CAMK1D: variants seen among roughly 807,000 people sequenced by gnomAD.
CAMK1D encodes calcium/calmodulin-dependent protein kinase type 1D.
A neutral mutation model predicts 47.7 loss-of-function variants in CAMK1D; 9 were observed. The observed-to-expected ratio is 0.19, with a 90% CI of 0.11 to 0.33. The LOEUF (loss-of-function observed/expected upper bound fraction) is 0.33, where lower values mean the gene tolerates loss of function less well. Ranked by LOEUF, CAMK1D falls within the 10% of genes least tolerant of loss-of-function variation. The pLI, the probability that CAMK1D is intolerant of heterozygous loss-of-function variation, is 1.00. For synonymous variants in CAMK1D, 184 were observed against 184.9 expected (o/e 0.99, Z 0.04); for missense variants, 291 against 488.7 (o/e 0.60, Z 3.81).
chr10:12,479,216 G>T (rs1351553739), intron 1 of CAMK1D, among the ~76,000 whole-genome samples: 4 of 151,494 alleles, frequency 2.6e-5, no homozygotes, highest in African/African-American at 9.7e-5. Context: ...TTTTTTTTGA[G>T]ACGGAGTTTC....
At chr10:12,646,882 C>T (rs1839824622) in intron 2 of CAMK1D, among the ~76,000 whole-genome samples, 1 of 152,060 alleles carries the variant, frequency 6.6e-6, no homozygotes, top group African/African-American at 2.4e-5. Flanking sequence ...CACTCTGTCA[C>T]CCAGGCTGGA....
At chr10:12,768,729 C>T (rs1354538461) in intron 4 of CAMK1D, among the ~76,000 whole-genome samples, 1 of 152,032 alleles carries the variant, frequency 6.6e-6, no homozygotes, top group Non-Finnish European at 1.5e-5. Context: ...AATGCAGGCT[C>T]CTCTTTGTGT....
At chr10:12,411,357 T>C (rs1839649174) in intron 1 of CAMK1D, among the ~76,000 whole-genome samples, 1 of 152,144 alleles carries the variant, frequency 6.6e-6, no homozygotes, top group Admixed American at 6.5e-5. Flanking sequence ...CCCATCTGTG[T>C]GGTCCAGCAG....
rs1588475097 is a variant in CAMK1D at position 12,428,371 on chromosome 10, T to C, written c.92+78461T>C. ...GAGCTTTTAGGCCCTTGAATATAGA[T>C]AGCTTGTTAAAGACTGTCTATTCTT... On this transcript the variant is annotated intron_variant, in intron 1 of 10. Transcript: ENST00000619168. Among the ~76,000 whole-genome samples, 5 of 152,162 alleles carry C rather than the reference T, an allele frequency of 3.3e-5. No homozygotes were observed. The East Asian group carries it at 5.8e-4, about 18-fold the overall frequency.
At chr10:12,492,140 CTT>C (rs1242215472) in intron 1 of CAMK1D, among the ~76,000 whole-genome samples, 13 of 151,910 alleles carry the variant, frequency 8.6e-5, no homozygotes, top group African/African-American at 2.9e-4. Flanking sequence ...CACAGGGTCT[CTT>C]TGAGAGGATG....
Position 12,547,667 on chromosome 10 carries a change from C to CTT in CAMK1D, c.93-5557_93-5556insTT, listed in dbSNP as rs374215202. 2.7e-3 allele frequency among the ~76,000 whole-genome samples: 187 copies of CTT among 68,616 alleles called. No individual in the cohort carries two copies. In the South Asian group the frequency reaches 0.033, roughly 12 times the overall value. 45.0% of individuals were successfully genotyped at this position (68,616 alleles called of 152,430 possible). ...CCCCCCCCAACCCTGCACTCTCTCTCTCTCTTTCTCTCTCTCACACACACA... is the reference window on the plus strand; with the variant it reads ...CCCCCCCCAACCCTGCACTCTCTCTCTTTCTCTTTCTCTCTCTCACACACACA... On this transcript the variant is annotated intron_variant, in intron 1 of 10. Coordinates refer to ENST00000619168, the MANE Select transcript of CAMK1D (RefSeq NM_153498.4).
Position 12,833,941 on chromosome 10 carries a change from T to C in CAMK1D, c.*5054T>C, listed in dbSNP as rs1024607002. 8 of 130,328 alleles carry C rather than the reference T, an allele frequency of 6.1e-5. No homozygotes were observed. Among genetic ancestry groups the C allele is most frequent in the South Asian group, 2.7e-4 (1 of 3,740 alleles). 8.1% of individuals were successfully genotyped at this position (130,328 alleles called of 1,614,324 possible). A position where few individuals can be genotyped will look rare whatever the true frequency, so the allele number is the denominator to read the frequency against. ...TAAAAAAAAAAAAAAAAAAAAAAGA[T>C]GTATATACCTGTATGTGATCCACCA... On this transcript the variant is annotated 3_prime_UTR_variant, in exon 11 of 11. Coordinates refer to ENST00000619168, the MANE Select transcript of CAMK1D (RefSeq NM_153498.4).
At chr10:12,412,554 C>T (rs762579281) in intron 1 of CAMK1D, among the ~76,000 whole-genome samples, 3 of 145,206 alleles carry the variant, frequency 2.1e-5, no homozygotes, top group Non-Finnish European at 3.0e-5. Flanking sequence ...ACCCTGGAGG[C>T]GGAGGTTGCA....
In CAMK1D at chr10:12,412,981, A is replaced by C. The variant is rs551948303; in HGVS notation, c.92+63071A>C. ...CCCTCACCCACTCTGGGTTTTATTC[A>C]TATAGGGAGGTTCTGGGAGCCCCAA... On this transcript the variant is annotated intron_variant, in intron 1 of 10. Transcript: ENST00000619168. Among the ~76,000 whole-genome samples, 67 of 152,148 alleles carry C rather than the reference A, an allele frequency of 4.4e-4. 1 individual carries two copies. The highest frequency in any genetic ancestry group is 8.4e-4 in the Non-Finnish European group (57 of 68,024).
intron 1 of CAMK1D, among the ~76,000 whole-genome samples, chr10:12,384,110 A>T (rs1838422503): frequency 6.6e-6 from 1 of 152,252 alleles, no homozygotes; most frequent in Non-Finnish European, 1.5e-5. Flanking sequence ...TTATAATATC[A>T]TCAATAAGAA....
chr10:12,734,478 ATATACACATATG>A (rs1835081000), intron 3 of CAMK1D, among the ~76,000 whole-genome samples: 1 of 138,092 alleles, frequency 7.2e-6, no homozygotes, highest in Non-Finnish European at 1.5e-5. Flanking sequence ...ATATGTGTAT[ATATACACATATG>A]TATATATATA....
intron 1 of CAMK1D, among the ~76,000 whole-genome samples, chr10:12,361,680 C>T (rs375978753): frequency 6.6e-6 from 1 of 150,858 alleles, no homozygotes; most frequent in Admixed American, 6.6e-5. Context: ...CTCAGCCTCC[C>T]GAGTAGCTGG....
intron 1 of CAMK1D, among the ~76,000 whole-genome samples, chr10:12,536,643 T>A (rs894738177): frequency 8.6e-5 from 13 of 152,024 alleles, no homozygotes; most frequent in African/African-American, 2.9e-4. Flanking sequence ...AAGAGGGGGG[T>A]GTATCCTAAT....
At chr10:12,787,277 T>C (rs1295342931) in intron 5 of CAMK1D, among the ~76,000 whole-genome samples, 1 of 152,194 alleles carries the variant, frequency 6.6e-6, no homozygotes, top group African/African-American at 2.4e-5. Flanking sequence ...GAGGGTGAAA[T>C]GTGTCATGTG....
At chr10:12,564,238 A>G (rs1478575351) in intron 2 of CAMK1D, among the ~76,000 whole-genome samples, 1 of 152,022 alleles carries the variant, frequency 6.6e-6, no homozygotes, top group African/African-American at 2.4e-5. Context: ...CACACTAATG[A>G]AAGATTAAAT....
At chr10:12,542,387 A>G (rs1836225489) in intron 1 of CAMK1D, among the ~76,000 whole-genome samples, 1 of 152,222 alleles carries the variant, frequency 6.6e-6, no homozygotes. Flanking sequence ...TTGTATGTAG[A>G]ATGACTAAAA....
At chr10:12,359,206 G>A (rs1312701497) in intron 1 of CAMK1D, among the ~76,000 whole-genome samples, 1 of 152,136 alleles carries the variant, frequency 6.6e-6, no homozygotes, top group Non-Finnish European at 1.5e-5. Context: ...GATGACACTT[G>A]GACCTAATGT....
rs910077883 is a variant in CAMK1D at position 12,626,664 on chromosome 10, A to G, written c.225-40072A>G. Among the ~76,000 whole-genome samples, 9 of 152,234 alleles carry G rather than the reference A, an allele frequency of 5.9e-5. No homozygotes were observed. The East Asian group carries it at 1.5e-3, about 26-fold the overall frequency. On this transcript the variant is annotated intron_variant, in intron 2 of 10. Coordinates refer to ENST00000619168, the MANE Select transcript of CAMK1D (RefSeq NM_153498.4). ...AATTTTTTGTATTTTTAGTAGAGACAGGGTTTCACCATGTTGGCCAGGCTG... is the reference window on the plus strand; with the variant it reads ...AATTTTTTGTATTTTTAGTAGAGACGGGGTTTCACCATGTTGGCCAGGCTG...
intron 1 of CAMK1D, among the ~76,000 whole-genome samples, chr10:12,404,487 C>T (rs1353364074): frequency 1.3e-5 from 2 of 152,038 alleles, no homozygotes; most frequent in African/African-American, 4.8e-5. Flanking sequence ...AATAGGTACA[C>T]CTTAATTAGT....
Sources: allele counts gnomAD v4.1 joint callset (sites outside exome capture counted in the v4.1 genomes callset), GRCh38; gene constraint gnomAD v4.1.1; transcripts MANE v1.5; gene names NCBI Gene and HGNC (gene_info 2026-07-23, HGNC 2026-07-21).